The following KPNA4 variants were observed in gnomAD, a reference collection of about 807,000 sequenced individuals.
KPNA4 encodes the protein karyopherin subunit alpha 4, also known as importin subunit alpha-3.
In KPNA4, 13 loss-of-function variants were observed where a neutral mutation model predicts 71.3. The observed-to-expected ratio is 0.18, with a 90% CI of 0.12 to 0.29. The LOEUF is 0.29. Among genes scored for constraint, KPNA4 ranks in the 10% least tolerant of loss-of-function variants. The pLI is 1.00. For missense variants in KPNA4, 334 were observed against 603.2 expected (o/e 0.55, Z 4.67); for synonymous variants, 189 against 195.2 (o/e 0.97, Z 0.26).
At chr3:160,517,535 G>A (rs888127414) in intron 11 of KPNA4, among the ~76,000 whole-genome samples, 3 of 152,022 alleles carry the variant, frequency 2.0e-5, no homozygotes, top group Non-Finnish European at 4.4e-5. Flanking sequence ...TTGAGGCACT[G>A]CCAAAACTAT....
At chr3:160,522,610 G>A (rs1170983245) in intron 10 of KPNA4, among the ~76,000 whole-genome samples, 1 of 152,068 alleles carries the variant, frequency 6.6e-6, no homozygotes, top group African/African-American at 2.4e-5. Flanking sequence ...GGCGCATGCC[G>A]CAACGCCTGG....
At chr3:160,543,173 A>G (rs2108556509) in intron 1 of KPNA4, among the ~76,000 whole-genome samples, 1 of 152,302 alleles carries the variant, frequency 6.6e-6, no homozygotes, top group South Asian at 2.1e-4. Flanking sequence ...ATCTCCTCCC[A>G]GGATGATTTC....
At chr3:160,536,999 A>G (rs968471510) in intron 1 of KPNA4, among the ~76,000 whole-genome samples, 159 bp from the exon 2 acceptor site, 1 of 152,102 alleles carries the variant, frequency 6.6e-6, no homozygotes, top group Admixed American at 6.5e-5. Context: ...TACTATGTAG[A>G]TGATTTTCAA....
chr3:160,515,004 T>C (rs1253330437), intron 12 of KPNA4: 2 of 519,232 alleles, frequency 3.9e-6, no homozygotes, highest in Middle Eastern at 3.2e-4. Flanking sequence ...TCATTGGCAA[T>C]GTTGTAATCA....
intron 11 of KPNA4, among the ~76,000 whole-genome samples, chr3:160,518,212 C>T (rs1173217635): frequency 6.6e-6 from 1 of 151,326 alleles, no homozygotes; most frequent in Non-Finnish European, 1.5e-5. Context: ...ACTGCAAGCT[C>T]CGCCTCCCGG....
intron 10 of KPNA4, among the ~76,000 whole-genome samples, chr3:160,523,878 A>G (rs576062628): frequency 1.0e-3 from 156 of 152,210 alleles, no homozygotes; most frequent in African/African-American, 3.7e-3. Context: ...AATTCACATA[A>G]AAAAATGGTA....
rs866812540 is a variant in KPNA4, at chr3:160,495,765, G to C, written c.*6339C>G. On this transcript the variant is annotated 3_prime_UTR_variant, in exon 17 of 17. Coordinates refer to ENST00000334256, the MANE Select transcript of KPNA4 (RefSeq NM_002268.5). ...AGGCAGCACATCGGCAAGTAAAAAT[G>C]TAAGTGAAGGTAGGAAATACCTAGA... is the stretch of plus-strand genomic sequence containing the variant. 1.3e-5 allele frequency: 2 copies of C among 151,312 alleles called. No individual in the cohort carries two copies. The highest frequency in any genetic ancestry group is 2.9e-5 in the Non-Finnish European group (2 of 67,910). 9.4% of individuals were successfully genotyped at this position (151,312 alleles called of 1,614,324 possible). A position where few individuals can be genotyped will look rare whatever the true frequency, so the allele number is the denominator to read the frequency against.
At chr3:160,526,232 C>T (rs1183832580) in intron 8 of KPNA4, 125 bp from the exon 9 acceptor site, 8 of 616,984 alleles carry the variant, frequency 1.3e-5, no homozygotes, top group African/African-American at 1.1e-4. Flanking sequence ...CAGTTTTAGA[C>T]AATAACAAGC....
rs374462804 is a variant in KPNA4 at position 160,498,740 on chromosome 3, A to T, written c.*3364T>A. 6.6e-6 allele frequency: 1 copy of T among 152,214 alleles called. No homozygotes were observed. The highest frequency in any genetic ancestry group is 2.4e-5 in the African/African-American group (1 of 41,450). 9.4% of individuals were successfully genotyped at this position (152,214 alleles called of 1,614,324 possible). The stretch of plus-strand genomic sequence containing the variant: ...ATAAAAGAGGACCCCCTAGCTTCAG[A>T]TAAGACTGCAGCTCTGGCTGACACC... On this transcript the variant is annotated 3_prime_UTR_variant, in exon 17 of 17. Transcript: ENST00000334256.
chr3:160,497,804 C>A lies in KPNA4; in HGVS notation c.*4300G>T, dbSNP rs1418820413. The A allele has an allele frequency of 2.0e-5, 3 of 152,088 alleles. No individual in the cohort carries two copies. In the East Asian group the frequency reaches 5.8e-4, roughly 29 times the overall value. 9.4% of individuals were successfully genotyped at this position (152,088 alleles called of 1,614,324 possible). Reference sequence around the variant, plus strand: ...TTTTATATATAAATGGTAGATAATCCACCAAACCCGAGGAGTTAACAATTA... The same window carrying A: ...TTTTATATATAAATGGTAGATAATCAACCAAACCCGAGGAGTTAACAATTA... On this transcript the variant is annotated 3_prime_UTR_variant, in exon 17 of 17. Coordinates refer to ENST00000334256, the MANE Select transcript of KPNA4 (RefSeq NM_002268.5).
At chr3:160,547,366 A>G (rs1721934651) in intron 1 of KPNA4, among the ~76,000 whole-genome samples, 1 of 152,076 alleles carries the variant, frequency 6.6e-6, no homozygotes, top group Non-Finnish European at 1.5e-5. Context: ...GCATATCACC[A>G]ATTTTATATA....
chr3:160,549,844 G>A (rs1449049017), intron 1 of KPNA4, among the ~76,000 whole-genome samples: 2 of 152,186 alleles, frequency 1.3e-5, no homozygotes, highest in Non-Finnish European at 1.5e-5. Context: ...AGACTGCTTT[G>A]AGTATCATGG....
At position 160,565,312 on chromosome 3, in the gene KPNA4, G is replaced by A. The variant is rs760088768; in HGVS notation, c.-30C>T. The A allele has an allele frequency of 1.4e-5, 21 of 1,551,058 alleles. No homozygotes were observed. The highest frequency in any genetic ancestry group is 1.7e-4 in the Middle Eastern group (1 of 5,944). ...GGGCCGGTGACTCCTTCCCCCGCCCGGGCCCCGCGGGATCCGCCCCAACCA... is the reference window on the plus strand; with the variant it reads ...GGGCCGGTGACTCCTTCCCCCGCCCAGGCCCCGCGGGATCCGCCCCAACCA... On this transcript the variant is annotated 5_prime_UTR_variant, in exon 1 of 17. Coordinates refer to ENST00000334256, the MANE Select transcript of KPNA4 (RefSeq NM_002268.5).
In KPNA4 at chr3:160,535,704, TAA is replaced by T; in HGVS notation, c.205-16_205-15del. ...AGAGGTATTTTGCTGGGAAAAAAGT[TAA>T]AGAGAAAACTCAGTTAAAAAGTCAC... On this transcript the variant is annotated splice_polypyrimidine_tract_variant and intron_variant, in intron 3 of 16. Transcript: ENST00000334256. 1.3e-6 allele frequency: 2 copies of T among 1,573,550 alleles called. No individual in the cohort carries two copies. Among genetic ancestry groups the T allele is most frequent in the South Asian group, 2.4e-5 (2 of 82,190 alleles).
chr3:160,565,491 C>G lies in KPNA4; in HGVS notation c.-209G>C, dbSNP rs1722333712. On this transcript the variant is annotated 5_prime_UTR_variant, in exon 1 of 17. Coordinates refer to ENST00000334256, the MANE Select transcript of KPNA4 (RefSeq NM_002268.5). ...CCTAACCCCAGCGCGACTGCAGCTC[C>G]GGCAAAGACAACTGTGGGGCCGGGC... 4 of 557,670 alleles carry G rather than the reference C, an allele frequency of 7.2e-6. No homozygotes were observed. The highest frequency in any genetic ancestry group is 9.4e-6 in the Non-Finnish European group (3 of 317,500). 34.5% of individuals were successfully genotyped at this position (557,670 alleles called of 1,614,324 possible). A position where few individuals can be genotyped will look rare whatever the true frequency, so the allele number is the denominator to read the frequency against.
chr3:160,555,913 C>A (rs1440384695), intron 1 of KPNA4, among the ~76,000 whole-genome samples: 1 of 152,172 alleles, frequency 6.6e-6, no homozygotes, highest in Non-Finnish European at 1.5e-5. Context: ...CTCACTGCAA[C>A]CTCCACCTCC....
chr3:160,544,006 C>T (rs1430037374), intron 1 of KPNA4, among the ~76,000 whole-genome samples: 4 of 152,062 alleles, frequency 2.6e-5, no homozygotes, highest in African/African-American at 7.2e-5. Flanking sequence ...TACAGGTGCC[C>T]GCCACCACGC....
intron 1 of KPNA4, among the ~76,000 whole-genome samples, chr3:160,537,210 A>C (rs1022836422): frequency 6.6e-6 from 1 of 151,562 alleles, no homozygotes; most frequent in Admixed American, 6.6e-5. Flanking sequence ...AGATTAGTAA[A>C]TTCAACTATT....
chr3:160,530,974 G>A (rs763792492), intron 6 of KPNA4, 34 bp from the exon 7 acceptor site: 2 of 1,452,998 alleles, frequency 1.4e-6, no homozygotes, highest in Non-Finnish European at 1.9e-6. Context: ...TAAACAGCAG[G>A]GATTTTTACA....
Sources: allele counts gnomAD v4.1 joint callset (sites outside exome capture counted in the v4.1 genomes callset), GRCh38; gene constraint gnomAD v4.1.1; transcripts MANE v1.5; gene names NCBI Gene and HGNC (gene_info 2026-07-23, HGNC 2026-07-21).